Variants in IGF2R observed in about 807,000 individuals in gnomAD.
IGF2R encodes insulin like growth factor 2 receptor, also known as cation-independent mannose-6-phosphate receptor.
IGF2R carries 91 observed loss-of-function variants against 270.6 expected under a neutral mutation model. The ratio of observed to expected loss-of-function variants is 0.34; its 90% confidence interval spans 0.28 to 0.40. The LOEUF (loss-of-function observed/expected upper bound fraction) is 0.40. Among genes scored for constraint, IGF2R ranks in the 10% least tolerant of loss-of-function variants. The probability of loss-of-function intolerance (pLI) is 1.00; values close to 1 mark genes in which losing one functional copy is unlikely to be tolerated. For synonymous variants in IGF2R, 1,316 were observed against 1,258.9 expected (o/e 1.05, Z -0.96); for missense variants, 2,805 against 3,188.3 (o/e 0.88, Z 2.90).
chr6:160,102,845 T>G lies in IGF2R; in HGVS notation c.6995+174T>G, dbSNP rs1779519194. Among the ~76,000 whole-genome samples the G allele has an allele frequency of 2.0e-5, 3 of 152,208 alleles. No homozygotes were observed. The highest frequency in any genetic ancestry group is 7.2e-5 in the African/African-American group (3 of 41,456). On this transcript the variant is annotated intron_variant, in intron 46 of 47. Coordinates refer to ENST00000356956, the MANE Select transcript of IGF2R (RefSeq NM_000876.4). This position sits in a 1 kb window ranked among gnomAD's most constrained non-coding sequence, Gnocchi z 4.5. The stretch of plus-strand genomic sequence containing the variant: ...AGTCCCCAGCGTTGTGGTTTTTAAA[T>G]GCCTGCATTTCTGTCTGACCAAGGC...
Position 160,072,824 on chromosome 6 carries a change from G to C in IGF2R, c.4630G>C (p.Glu1544Gln), listed in dbSNP as rs750522726. 2 of 1,614,082 alleles carry C rather than the reference G, an allele frequency of 1.2e-6. No homozygotes were observed. The highest frequency in any genetic ancestry group is 1.7e-6 in the Non-Finnish European group (2 of 1,180,028). Residue 1544 changes from glutamate (E) to glutamine (Q), a missense_variant, in exon 33 of 48, where the codon GAG becomes CAG. Transcript: ENST00000356956. ...GRAGFTAAYS[E>Q]KGLVYMSICG... ...GGCGGGATTCACAGCTGCTTACAGC[G>C]AGAAGGGGTTGGTTTACATGAGCAT...
chr6:159,973,543 T>C (rs1783643021), intron 1 of IGF2R, among the ~76,000 whole-genome samples: 1 of 152,210 alleles, frequency 6.6e-6, no homozygotes, highest in African/African-American at 2.4e-5. Context: ...AGGAGATTTT[T>C]TTTTCCCTGT....
Position 160,096,487 on chromosome 6 carries a change from A to T in IGF2R, c.6704A>T (p.Asp2235Val). The T allele has an allele frequency of 6.2e-7, 1 of 1,614,180 alleles. No individual in the cohort carries two copies. The highest frequency in any genetic ancestry group is 8.5e-7 in the Non-Finnish European group (1 of 1,180,014). The change falls in exon 45 of 48, where the codon GAT becomes GTT. Residue 2235 changes from aspartate (D) to valine (V), a missense_variant. This residue lies in a region of IGF2R where 1,851 missense variants were observed against 2,207.2 expected (regional missense o/e 0.84). Transcript: ENST00000356956. ...GCCTCTTCCTCTAAGTGCGGAAAGG[A>T]TAAGACCAAGTCTGTTTCTTCCACC... is the stretch of plus-strand genomic sequence containing the variant. Reference protein sequence around the residue: ...VFASSSKCGKDKTKSVSSTIF... With the variant: ...VFASSSKCGKVKTKSVSSTIF...
rs985701926 is a variant in IGF2R at position 160,107,038 on chromosome 6, T to G, written c.*1954T>G. 1.3e-5 allele frequency: 2 copies of G among 152,226 alleles called. No homozygotes were observed. The highest frequency in any genetic ancestry group is 4.8e-5 in the African/African-American group (2 of 41,454). 9.4% of individuals were successfully genotyped at this position (152,226 alleles called of 1,614,324 possible). A position where few individuals can be genotyped will look rare whatever the true frequency, so the allele number is the denominator to read the frequency against. ...TCAACATCCTATTCTCCATCCCTTT[T>G]TTTTTCCTGTAGAGTCCAAAAACCT... On this transcript the variant is annotated 3_prime_UTR_variant, in exon 48 of 48. Transcript: ENST00000356956.
In IGF2R at chr6:160,103,816, G is replaced by C. The variant is rs752599859; in HGVS notation, c.7065+1G>C. 1 of 1,604,672 alleles carries C rather than the reference G, an allele frequency of 6.2e-7. No homozygotes were observed. Among genetic ancestry groups the C allele is most frequent in the Non-Finnish European group, 8.5e-7 (1 of 1,171,418 alleles). The stretch of plus-strand genomic sequence containing the variant: ...CAACGTGTCCTACAAATACTCAAAG[G>C]TAATTTTCTGTGGCGAGTCTCTTGA... On this transcript the variant is annotated splice_donor_variant, in intron 47 of 47. Transcript: ENST00000356956. LOFTEE classifies it high-confidence loss of function.
intron 20 of IGF2R, 43 bp from the exon 21 acceptor site, chr6:160,057,980 T>C: frequency 3.4e-6 from 4 of 1,169,158 alleles, no homozygotes; most frequent in Non-Finnish European, 5.2e-6. Flanking sequence ...TCCTGTGGAA[T>C]TGGTTTGAAT....
intron 9 of IGF2R, among the ~76,000 whole-genome samples, chr6:160,033,881 T>C (rs1777754555): frequency 6.6e-6 from 1 of 152,192 alleles, no homozygotes; most frequent in South Asian, 2.1e-4. Flanking sequence ...AGGATGAAAA[T>C]GCAGTTTTCT....
chr6:160,087,151 T>G (rs1039873153), intron 41 of IGF2R, among the ~76,000 whole-genome samples: 1 of 152,176 alleles, frequency 6.6e-6, no homozygotes, highest in Non-Finnish European at 1.5e-5. Context: ...GGGTCACTTT[T>G]AAAAGCAGAC....
chr6:160,044,585 T>G lies in IGF2R; in HGVS notation c.1693T>G (p.Ser565Ala). 1 of 1,609,266 alleles carries G rather than the reference T, an allele frequency of 6.2e-7. No homozygotes were observed. The highest frequency in any genetic ancestry group is 8.5e-7 in the Non-Finnish European group (1 of 1,176,158). Reference protein sequence around the residue: ...PMKEKGNIQLSYSDGDDCGHG... With the variant: ...PMKEKGNIQLAYSDGDDCGHG... ...GAAAGAGAAAGGAAACATTCAACTCTCTTATTCAGATGGTGATGATTGTGG... is the reference window on the plus strand; with the variant it reads ...GAAAGAGAAAGGAAACATTCAACTCGCTTATTCAGATGGTGATGATTGTGG... Residue 565 changes from serine (S) to alanine (A), a missense_variant, in exon 13 of 48, where the codon TCT (serine) becomes GCT (alanine). Physicochemically the swap from Ser to Ala is moderately conservative, Grantham distance 99. Coordinates refer to ENST00000356956, the MANE Select transcript of IGF2R (RefSeq NM_000876.4).
At chr6:160,103,328 A>G (rs2114744897) in intron 46 of IGF2R, among the ~76,000 whole-genome samples, 1 of 152,192 alleles carries the variant, frequency 6.6e-6, no homozygotes, top group Middle Eastern at 3.4e-3. Flanking sequence ...CCAAAAAAAA[A>G]AAAAAAGTAC....
intron 10 of IGF2R, among the ~76,000 whole-genome samples, chr6:160,036,947 G>T (rs997225445): frequency 6.6e-6 from 1 of 151,994 alleles, no homozygotes; most frequent in Non-Finnish European, 1.5e-5. Context: ...ACGGGTGAAG[G>T]CCTCCCATAG....
intron 4 of IGF2R, among the ~76,000 whole-genome samples, chr6:160,020,477 T>G (rs532320434): frequency 6.6e-6 from 1 of 152,274 alleles, no homozygotes; most frequent in South Asian, 2.1e-4. Flanking sequence ...CCAAAAAATC[T>G]TAATAGCCAA....
chr6:159,991,358 A>G (rs1371637983), intron 2 of IGF2R, 35 bp downstream of exon 2: 9 of 1,591,736 alleles, frequency 5.7e-6, no homozygotes, highest in African/African-American at 1.3e-5. Context: ...TGGATTGGCA[A>G]TATGATTCCC....
At chr6:160,029,292 T>TA (rs1777638551) in intron 6 of IGF2R, among the ~76,000 whole-genome samples, 1 of 152,194 alleles carries the variant, frequency 6.6e-6, no homozygotes, top group Admixed American at 6.5e-5. Context: ...GTTTTCTTAA[T>TA]ATATCAAATT....
chr6:160,101,972 G>A (rs1408776594), intron 45 of IGF2R, among the ~76,000 whole-genome samples: 1 of 152,196 alleles, frequency 6.6e-6, no homozygotes, highest in Non-Finnish European at 1.5e-5. Flanking sequence ...CCCGTCGGGG[G>A]CTGTGCTGGG....
intron 26 of IGF2R, among the ~76,000 whole-genome samples, chr6:160,063,133 G>A (rs898582986): frequency 6.6e-6 from 1 of 151,492 alleles, no homozygotes; most frequent in Non-Finnish European, 1.5e-5. Flanking sequence ...TGCCTCTTGG[G>A]TTCAAGTGAT....
chr6:159,984,094 G>T (rs1783844071), intron 1 of IGF2R, among the ~76,000 whole-genome samples: 1 of 152,210 alleles, frequency 6.6e-6, no homozygotes, highest in Non-Finnish European at 1.5e-5. Context: ...ACAGTTCACA[G>T]CTTTTTCATA....
chr6:160,105,098 G>T lies in IGF2R; in HGVS notation c.*14G>T, dbSNP rs1340318263. ...TTACACATCTGACTCCGCAGTGCCTGCAGGGGAGCACGGAGCCGCGGGACA... is the reference window on the plus strand; with the variant it reads ...TTACACATCTGACTCCGCAGTGCCTTCAGGGGAGCACGGAGCCGCGGGACA... On this transcript the variant is annotated 3_prime_UTR_variant, in exon 48 of 48. Transcript: ENST00000356956. The T allele has an allele frequency of 1.3e-6, 2 of 1,531,622 alleles. No homozygotes were observed. Among genetic ancestry groups the T allele is most frequent in the Non-Finnish European group, 1.8e-6 (2 of 1,137,738 alleles). The allele number at this position is 1,531,622 out of a possible 1,614,324, so 94.9% of individuals were successfully genotyped here.
intron 10 of IGF2R, among the ~76,000 whole-genome samples, chr6:160,037,845 T>C (rs1005917971): frequency 6.6e-6 from 1 of 152,182 alleles, no homozygotes; most frequent in Non-Finnish European, 1.5e-5. Context: ...CTACGCTTTT[T>C]CCATCCTGTG....
Sources: gnomAD v4.1 joint callset for allele counts (sites outside exome capture counted in the v4.1 genomes callset) on GRCh38, gnomAD v4.1.1 for gene constraint, gnomAD v4.1.1 regional missense constraint, Gnocchi (gnomAD v3.1) non-coding constraint, MANE v1.5 for transcripts, NCBI Gene and HGNC (gene_info 2026-07-23, HGNC 2026-07-21) for gene names.